Variants in CSMD3 observed in about 807,000 individuals in gnomAD.
CSMD3 encodes CUB and sushi domain-containing protein 3.
A neutral mutation model predicts 435.2 loss-of-function variants in CSMD3; 177 were observed. The observed-to-expected ratio is 0.41, with a 90% CI of 0.36 to 0.46. The LOEUF is 0.46. Ranked by LOEUF, CSMD3 falls within the 20% of genes least tolerant of loss-of-function variation. The pLI, the probability that CSMD3 is intolerant of heterozygous loss-of-function variation, is 0.34. For missense variants in CSMD3, 4,265 were observed against 4,504.6 expected (o/e 0.95, Z 1.52); for synonymous variants, 1,656 against 1,520.5 (o/e 1.09, Z -2.07).
intron 8 of CSMD3, among the ~76,000 whole-genome samples, chr8:112,951,465 T>C (rs987067048): frequency 6.6e-6 from 1 of 151,918 alleles, no homozygotes; most frequent in Admixed American, 6.6e-5. Flanking sequence ...GCTGCTTACA[T>C]TGTCACTTTT....
chr8:112,314,932 T>C (rs529320174), intron 47 of CSMD3, among the ~76,000 whole-genome samples: 2 of 152,024 alleles, frequency 1.3e-5, no homozygotes, highest in South Asian at 4.1e-4. Context: ...TCTCCTAATC[T>C]TTTGTTCTCC....
At chr8:113,295,787 C>G (rs527405010) in intron 2 of CSMD3, among the ~76,000 whole-genome samples, 50 of 152,162 alleles carry the variant, frequency 3.3e-4, no homozygotes, top group Admixed American at 3.3e-3. Flanking sequence ...CCCAGCCATC[C>G]CATTACTGGG....
chr8:113,014,270 C>G (rs1449859763), intron 6 of CSMD3, among the ~76,000 whole-genome samples: 1 of 152,114 alleles, frequency 6.6e-6, no homozygotes, highest in Non-Finnish European at 1.5e-5. Flanking sequence ...GTTCTCTTTG[C>G]AGACTATTAT....
chr8:112,679,680 A>G (rs1056980127), intron 16 of CSMD3, among the ~76,000 whole-genome samples: 2 of 152,172 alleles, frequency 1.3e-5, no homozygotes, highest in African/African-American at 2.4e-5. Context: ...TGACATTACT[A>G]ATTACTTTTA....
In CSMD3 at chr8:112,771,558, G is replaced by GA. The variant is rs199690400; in HGVS notation, c.1972+28603dup. ...TGTCTCAAAAAAAGAAAAAGAAAAA[G>GA]AAAAAAAAGTAAAGTGTTTGGGATT... On this transcript the variant is annotated intron_variant, in intron 13 of 70. Coordinates refer to ENST00000297405, the MANE Select transcript of CSMD3 (RefSeq NM_198123.2). Among the ~76,000 whole-genome samples the GA allele has an allele frequency of 8.3e-4, 125 of 151,286 alleles. 4 individuals are homozygous for GA. In the East Asian group the frequency reaches 0.023, roughly 27 times the overall value.
intron 3 of CSMD3, among the ~76,000 whole-genome samples, chr8:113,216,614 A>T (rs1051373871): frequency 2.0e-5 from 3 of 151,982 alleles, no homozygotes; most frequent in Non-Finnish European, 4.4e-5. Context: ...CAAACAATAT[A>T]AGTCAAGGTT....
chr8:113,335,045 C>A (rs2094061047), intron 1 of CSMD3, among the ~76,000 whole-genome samples: 1 of 152,072 alleles, frequency 6.6e-6, no homozygotes, highest in Non-Finnish European at 1.5e-5. Flanking sequence ...TGGTTTAACA[C>A]CATCCCCCTT....
intron 1 of CSMD3, among the ~76,000 whole-genome samples, chr8:113,350,004 C>A (rs2094178914): frequency 1.3e-5 from 2 of 151,954 alleles, no homozygotes; most frequent in African/African-American, 4.8e-5. Flanking sequence ...TCTTAAGAGT[C>A]TAGAGTCCGA....
chr8:112,787,247 C>G (rs1354521590), intron 13 of CSMD3, among the ~76,000 whole-genome samples: 1 of 151,934 alleles, frequency 6.6e-6, no homozygotes, highest in African/African-American at 2.4e-5. Flanking sequence ...TAGCATCTAC[C>G]CAGTAATGGG....
chr8:113,353,733 AC>A (rs1563735598), intron 1 of CSMD3, among the ~76,000 whole-genome samples: 1 of 152,062 alleles, frequency 6.6e-6, no homozygotes, highest in African/African-American at 2.4e-5. Flanking sequence ...TCAGTTTTTC[AC>A]ACTTACTGAA....
intron 4 of CSMD3, among the ~76,000 whole-genome samples, chr8:113,153,130 A>AAG (rs2091858713): frequency 3.6e-5 from 3 of 82,734 alleles, no homozygotes; most frequent in African/African-American, 1.9e-4. Flanking sequence ...AGAAAGAGAA[A>AAG]GAAGGAAGGA....
chr8:112,637,634 G>A (rs2074699521), intron 21 of CSMD3, among the ~76,000 whole-genome samples: 1 of 152,042 alleles, frequency 6.6e-6, no homozygotes, highest in Admixed American at 6.6e-5. Flanking sequence ...GGTATGAAAA[G>A]TAGAGTTGAT....
chr8:112,240,737 A>C (rs985657622), intron 66 of CSMD3, among the ~76,000 whole-genome samples: 1 of 152,106 alleles, frequency 6.6e-6, no homozygotes, highest in African/African-American at 2.4e-5. Context: ...TCTCAACTTG[A>C]ATTGTACTCC....
chr8:112,286,040 G>T (rs1240780848), intron 58 of CSMD3, among the ~76,000 whole-genome samples: 1 of 152,054 alleles, frequency 6.6e-6, no homozygotes, highest in East Asian at 1.9e-4. Context: ...ATTTAATTAT[G>T]TTAACTCTGA....
intron 1 of CSMD3, among the ~76,000 whole-genome samples, chr8:113,406,901 A>G (rs2094535276): frequency 6.6e-6 from 1 of 152,076 alleles, no homozygotes. Flanking sequence ...CATCTACTGT[A>G]GTTTATTGTT....
intron 35 of CSMD3, 127 bp downstream of exon 35, chr8:112,406,397 C>A (rs1831863710): frequency 3.7e-6 from 2 of 533,434 alleles, no homozygotes; most frequent in South Asian, 3.3e-5. Context: ...TTATATAAAG[C>A]ATACTTATTA....
At chr8:112,281,451 G>A (rs1818631105) in intron 58 of CSMD3, 101 bp from the exon 59 acceptor site, 3 of 958,920 alleles carry the variant, frequency 3.1e-6, no homozygotes, top group Admixed American at 2.1e-5. Flanking sequence ...ATTCAAAGAA[G>A]CAATAAAAAC....
intron 3 of CSMD3, among the ~76,000 whole-genome samples, chr8:113,225,260 T>C (rs2093013813): frequency 1.3e-5 from 2 of 151,460 alleles, no homozygotes; most frequent in Admixed American, 1.3e-4. Context: ...ATGGCAAAAA[T>C]TGTAATTATT....
intron 4 of CSMD3, among the ~76,000 whole-genome samples, chr8:113,156,964 C>G (rs1406921591): frequency 2.7e-5 from 4 of 149,676 alleles, no homozygotes; most frequent in Admixed American, 2.7e-4. Context: ...GAGACAGAGA[C>G]AGAGAGAGAG....
Sources: allele counts gnomAD v4.1 joint callset (sites outside exome capture counted in the v4.1 genomes callset), GRCh38; gene constraint gnomAD v4.1.1; transcripts MANE v1.5; gene names NCBI Gene and HGNC (gene_info 2026-07-23, HGNC 2026-07-21).